PRR5L: variants seen among roughly 807,000 people sequenced by gnomAD.
PRR5L encodes the protein proline-rich protein 5-like.
PRR5L carries 21 observed loss-of-function variants against 36.4 expected under a neutral mutation model. The ratio of observed to expected loss-of-function variants is 0.58; its 90% CI spans 0.41 to 0.83. The LOEUF (loss-of-function observed/expected upper bound fraction) is 0.83. Ranked by LOEUF, PRR5L falls within the 40% of genes least tolerant of loss-of-function variation. The probability of loss-of-function intolerance (pLI) is 0.00; values close to 1 mark genes in which losing one functional copy is unlikely to be tolerated. For missense variants in PRR5L, 381 were observed against 473.3 expected (o/e 0.80, Z 1.81); for synonymous variants, 188 against 197.0 (o/e 0.95, Z 0.38).
intron 8 of PRR5L, among the ~76,000 whole-genome samples, chr11:36,457,615 A>C (rs1020447695): frequency 9.1e-4 from 138 of 152,162 alleles, no homozygotes; most frequent in African/African-American, 3.0e-3. Flanking sequence ...CAAAAAAAAA[A>C]AAAACAAAAC....
At position 36,327,970 on chromosome 11, in the gene PRR5L, A is replaced by G; in HGVS notation, c.-126+31532A>G. 3.3e-5 allele frequency among the ~76,000 whole-genome samples: 5 copies of G among 152,334 alleles called. No individual in the cohort carries two copies. In the Middle Eastern group the frequency reaches 0.014, roughly 415 times the overall value. On this transcript the variant is annotated intron_variant, in intron 1 of 8. Transcript: ENST00000530639. ...GAGCTGTAACCCAATCTCCCTGGGT[A>G]CATGTTCTCAGGACCTCTTGGGGTT... is the stretch of plus-strand genomic sequence containing the variant.
intron 1 of PRR5L, among the ~76,000 whole-genome samples, chr11:36,349,609 A>G (rs1856906576): frequency 6.6e-6 from 1 of 152,178 alleles, no homozygotes; most frequent in Non-Finnish European, 1.5e-5. Flanking sequence ...AGGCAGAAAC[A>G]ATGAGCCTAC....
At chr11:36,379,526 G>A (rs978116921) in intron 1 of PRR5L, 1 of 152,218 alleles carries the variant, frequency 6.6e-6, no homozygotes. Context: ...TAAAGGCAAT[G>A]CTTGTAGAAA....
At chr11:36,310,369 A>G (rs1404539161) in intron 1 of PRR5L, among the ~76,000 whole-genome samples, 2 of 152,152 alleles carry the variant, frequency 1.3e-5, no homozygotes, top group African/African-American at 4.8e-5. Flanking sequence ...CTTTAATAAG[A>G]ATGAGCCCAT....
chr11:36,438,202 C>G (rs1858644981), intron 6 of PRR5L, among the ~76,000 whole-genome samples: 1 of 152,192 alleles, frequency 6.6e-6, no homozygotes, highest in Admixed American at 6.5e-5. Context: ...GAAGCCACCG[C>G]TAAGGGAGGT....
At chr11:36,330,442 A>G (rs1243040552) in intron 1 of PRR5L, among the ~76,000 whole-genome samples, 3 of 152,162 alleles carry the variant, frequency 2.0e-5, no homozygotes, top group South Asian at 2.1e-4. Flanking sequence ...AACTCAGTCT[A>G]GTGGTATAAT....
intron 1 of PRR5L, among the ~76,000 whole-genome samples, chr11:36,399,843 C>T (rs1274407489): frequency 6.6e-6 from 1 of 152,228 alleles, no homozygotes; most frequent in Non-Finnish European, 1.5e-5. Context: ...GAAAGAAATT[C>T]ATCTGAATGG....
At chr11:36,437,843 C>G (rs1466776228) in intron 6 of PRR5L, among the ~76,000 whole-genome samples, 1 of 152,076 alleles carries the variant, frequency 6.6e-6, no homozygotes, top group East Asian at 1.9e-4. Flanking sequence ...TTCTCTCCCC[C>G]TACTTTTTTT....
chr11:36,363,873 A>G (rs1021894448), intron 1 of PRR5L, among the ~76,000 whole-genome samples: 2 of 152,216 alleles, frequency 1.3e-5, no homozygotes, highest in African/African-American at 4.8e-5. Context: ...TCTAAATTGA[A>G]CAGTGATTAA....
At chr11:36,351,632 TAA>T (rs1565409092) in intron 1 of PRR5L, among the ~76,000 whole-genome samples, 1 of 8,226 alleles carries the variant, frequency 1.2e-4, no homozygotes, top group Non-Finnish European at 1.8e-4. Context: ...TATATTTATA[TAA>T]ATATATATTT....
At chr11:36,397,701 C>A (rs1005587568) in intron 1 of PRR5L, among the ~76,000 whole-genome samples, 2 of 152,060 alleles carry the variant, frequency 1.3e-5, no homozygotes, top group Admixed American at 1.3e-4. Flanking sequence ...AGGTGATCCG[C>A]CTGCCTTGGC....
intron 1 of PRR5L, among the ~76,000 whole-genome samples, chr11:36,363,549 C>T (rs577003796): frequency 6.6e-6 from 1 of 152,344 alleles, no homozygotes; most frequent in African/African-American, 2.4e-5. Flanking sequence ...TTCTTTTCCC[C>T]TTCCTCCTGA....
intron 1 of PRR5L, among the ~76,000 whole-genome samples, chr11:36,379,626 A>T (rs1431776850): frequency 6.6e-6 from 1 of 152,238 alleles, no homozygotes. Context: ...ACAGAATATT[A>T]TGGGGTTTGG....
At chr11:36,375,201 A>G (rs1215408189) in intron 1 of PRR5L, among the ~76,000 whole-genome samples, 3 of 150,414 alleles carry the variant, frequency 2.0e-5, no homozygotes, top group Non-Finnish European at 4.4e-5. Context: ...ATGCCACTGC[A>G]CTCCAGCCTG....
chr11:36,351,280 A>ATT (rs1259137728), intron 1 of PRR5L, among the ~76,000 whole-genome samples: 1 of 20,598 alleles, frequency 4.9e-5, no homozygotes, highest in East Asian at 3.2e-3. Flanking sequence ...ATTTATATAT[A>ATT]TGTATATTTA....
chr11:36,391,895 A>G (rs1347428814), intron 1 of PRR5L, among the ~76,000 whole-genome samples: 1 of 152,174 alleles, frequency 6.6e-6, no homozygotes, highest in East Asian at 1.9e-4. Context: ...TTGTGCTATC[A>G]CGTACAAGAT....
intron 1 of PRR5L, among the ~76,000 whole-genome samples, chr11:36,307,268 A>G (rs189572811): frequency 6.6e-6 from 1 of 152,190 alleles, no homozygotes; most frequent in African/African-American, 2.4e-5. Context: ...TCACAATTCC[A>G]TGACAGAGGT....
At chr11:36,348,558 T>C (rs1565404431) in intron 1 of PRR5L, among the ~76,000 whole-genome samples, 3 of 152,238 alleles carry the variant, frequency 2.0e-5, no homozygotes, top group Non-Finnish European at 4.4e-5. Context: ...GGTAATTCTA[T>C]GCTGTATTGA....
intron 4 of PRR5L, among the ~76,000 whole-genome samples, chr11:36,424,667 G>T (rs966840262): frequency 2.6e-5 from 4 of 152,148 alleles, no homozygotes; most frequent in Non-Finnish European, 4.4e-5. Flanking sequence ...TGGTAGTGAC[G>T]GCTAACATTT....
Sources: gnomAD v4.1 joint callset for allele counts (sites outside exome capture counted in the v4.1 genomes callset) on GRCh38, gnomAD v4.1.1 for gene constraint, MANE v1.5 for transcripts, NCBI Gene and HGNC (gene_info 2026-07-23, HGNC 2026-07-21) for gene names.